ZFPM2: variants seen among roughly 807,000 people sequenced by gnomAD.
The protein encoded by ZFPM2 is zinc finger protein ZFPM2.
Under a neutral mutation model 98.6 loss-of-function variants are expected in ZFPM2, and 20 were observed. That is an observed-to-expected ratio of 0.20 (90% CI 0.14 to 0.29). The LOEUF (loss-of-function observed/expected upper bound fraction) is 0.29, where lower values mean the gene tolerates loss of function less well. Ranked by LOEUF, ZFPM2 falls within the 10% of genes least tolerant of loss-of-function variation. The pLI is 1.00. For synonymous variants in ZFPM2, 518 were observed against 502.7 expected (o/e 1.03, Z -0.41); for missense variants, 1,310 against 1,388.6 (o/e 0.94, Z 0.90).
chr8:105,752,251 C>T (rs561521417), intron 5 of ZFPM2, among the ~76,000 whole-genome samples: 8 of 152,220 alleles, frequency 5.3e-5, no homozygotes, highest in African/African-American at 1.7e-4. Context: ...ATGTTTCTTA[C>T]CCACAACAAA....
chr8:105,792,020 G>T (rs1167429645), intron 6 of ZFPM2, among the ~76,000 whole-genome samples: 2 of 151,674 alleles, frequency 1.3e-5, no homozygotes, highest in South Asian at 2.1e-4. Flanking sequence ...TATCAATTTT[G>T]TTGATCCTTT....
intron 1 of ZFPM2, among the ~76,000 whole-genome samples, chr8:105,357,451 A>G (rs1171590072): frequency 6.6e-6 from 1 of 152,216 alleles, no homozygotes; most frequent in Admixed American, 6.5e-5. Context: ...CTTACATCTC[A>G]TAGCAATGTG....
intron 4 of ZFPM2, chr8:105,616,753 C>A: frequency 3.2e-6 from 1 of 308,622 alleles, no homozygotes; most frequent in South Asian, 2.9e-5. Flanking sequence ...TGCGGTGACT[C>A]ATGCCTGTAA....
At chr8:105,462,526 C>T in intron 3 of ZFPM2, among the ~76,000 whole-genome samples, 1 of 152,106 alleles carries the variant, frequency 6.6e-6, no homozygotes, top group Non-Finnish European at 1.5e-5. Flanking sequence ...TCAAATTCTG[C>T]TGCTCCATTC....
chr8:105,396,318 G>T (rs1195757565), intron 1 of ZFPM2, among the ~76,000 whole-genome samples: 1 of 152,194 alleles, frequency 6.6e-6, no homozygotes, highest in Non-Finnish European at 1.5e-5. Context: ...TTTCTAGGCT[G>T]CCTGGCAAGA....
At chr8:105,392,255 G>T (rs1811124020) in intron 1 of ZFPM2, among the ~76,000 whole-genome samples, 3 of 152,138 alleles carry the variant, frequency 2.0e-5, no homozygotes, top group Admixed American at 2.0e-4. Context: ...ACTCTTCAAA[G>T]TTTACCTTTT....
At chr8:105,682,152 T>G (rs1810621182) in intron 5 of ZFPM2, among the ~76,000 whole-genome samples, 1 of 152,160 alleles carries the variant, frequency 6.6e-6, no homozygotes, top group Non-Finnish European at 1.5e-5. Flanking sequence ...AGCAATGTGA[T>G]TAATATCAGC....
intron 1 of ZFPM2, among the ~76,000 whole-genome samples, chr8:105,320,831 T>G (rs1295533279): frequency 6.6e-6 from 1 of 152,212 alleles, no homozygotes; most frequent in Non-Finnish European, 1.5e-5. Flanking sequence ...TAAAACATTT[T>G]AGTGGTTTAT....
At chr8:105,534,458 C>A (rs139273513) in intron 3 of ZFPM2, among the ~76,000 whole-genome samples, 183 of 147,324 alleles carry the variant, frequency 1.2e-3, no homozygotes, top group African/African-American at 4.5e-3. Flanking sequence ...TTCCTTCCTT[C>A]CTTCCTCCCT....
intron 1 of ZFPM2, among the ~76,000 whole-genome samples, chr8:105,336,035 A>T: frequency 6.6e-6 from 1 of 151,958 alleles, no homozygotes; most frequent in East Asian, 1.9e-4. Context: ...ATCCGATGGC[A>T]TTTGAATGGA....
chr8:105,330,648 A>T lies in ZFPM2; in HGVS notation c.40+11667A>T, dbSNP rs918367083. Among the ~76,000 whole-genome samples the T allele has an allele frequency of 1.1e-3, 153 of 135,208 alleles. 2 individuals carry two copies. The highest frequency in any genetic ancestry group is 3.9e-3 in the Middle Eastern group (1 of 258). 88.7% of individuals were successfully genotyped at this position (135,208 alleles called of 152,430 possible). On this transcript the variant is annotated intron_variant, in intron 1 of 7. Transcript: ENST00000407775. ...TATATATATACATATATATATATAT[A>T]TTTTTCAGGAATAGTGAGGAATCAA...
intron 5 of ZFPM2, among the ~76,000 whole-genome samples, chr8:105,649,830 G>T (rs1188494528): frequency 6.6e-6 from 1 of 152,142 alleles, no homozygotes; most frequent in Non-Finnish European, 1.5e-5. Flanking sequence ...AAGGATATTG[G>T]TCTAAAATTC....
rs571780027 is a variant in ZFPM2, at chr8:105,707,429, C to T, written c.532+73072C>T. On this transcript the variant is annotated intron_variant, in intron 5 of 7. Coordinates refer to ENST00000407775, the MANE Select transcript of ZFPM2 (RefSeq NM_012082.4). ...GATGACAAGCATAAACTGTCACATA[C>T]TAGGAAACATATCTAATTATAAATA... Among the ~76,000 whole-genome samples, 14 of 152,206 alleles carry T rather than the reference C, an allele frequency of 9.2e-5. No individual in the cohort carries two copies. In the South Asian group the frequency reaches 1.0e-3, roughly 11 times the overall value.
At chr8:105,436,512 C>CAA (rs11295878) in intron 2 of ZFPM2, among the ~76,000 whole-genome samples, 8 of 100,554 alleles carry the variant, frequency 8.0e-5, no homozygotes, top group East Asian at 3.1e-4. Flanking sequence ...AACTCCGTCT[C>CAA]AAAAAAAAAA....
chr8:105,431,576 G>T (rs148218712), intron 2 of ZFPM2, among the ~76,000 whole-genome samples: 280 of 152,152 alleles, frequency 1.8e-3, no homozygotes, highest in African/African-American at 6.6e-3. Context: ...AATGGTTCAG[G>T]GTGGTTTGAT....
intron 4 of ZFPM2, among the ~76,000 whole-genome samples, chr8:105,633,219 A>G (rs1271877182): frequency 6.6e-6 from 1 of 152,218 alleles, no homozygotes; most frequent in Non-Finnish European, 1.5e-5. Context: ...TCATGTGGAA[A>G]AGTCCCAGAA....
chr8:105,467,280 A>G (rs879944751), intron 3 of ZFPM2, among the ~76,000 whole-genome samples: 1 of 152,084 alleles, frequency 6.6e-6, no homozygotes, highest in Non-Finnish European at 1.5e-5. Context: ...ATTTTGTCCA[A>G]GTACTTTATG....
intron 5 of ZFPM2, chr8:105,685,597 G>T (rs1210858667): frequency 6.6e-6 from 1 of 151,762 alleles, no homozygotes; most frequent in Non-Finnish European, 1.5e-5. Flanking sequence ...CAATGCCCTA[G>T]TATCTTTGTT....
At chr8:105,500,195 C>T (rs1806131056) in intron 3 of ZFPM2, among the ~76,000 whole-genome samples, 1 of 152,092 alleles carries the variant, frequency 6.6e-6, no homozygotes, top group African/African-American at 2.4e-5. Context: ...CTTTTATCAT[C>T]CCTTTTGAAC....
Sources: gnomAD v4.1 joint callset for allele counts (sites outside exome capture counted in the v4.1 genomes callset) on GRCh38, gnomAD v4.1.1 for gene constraint, MANE v1.5 for transcripts, NCBI Gene and HGNC (gene_info 2026-07-23, HGNC 2026-07-21) for gene names.